ARRDC3: variants seen among roughly 807,000 people sequenced by gnomAD.
ARRDC3 encodes the protein arrestin domain-containing protein 3.
Under a neutral mutation model 47.2 loss-of-function variants are expected in ARRDC3, and 10 were observed. That is an observed-to-expected ratio of 0.21 (90% CI 0.13 to 0.36). The LOEUF is 0.36. Among genes scored for constraint, ARRDC3 ranks in the 10% least tolerant of loss-of-function variants. The pLI is 1.00. For synonymous variants in ARRDC3, 156 were observed against 178.3 expected, an observed-to-expected ratio of 0.87 and a Z score of 1.00; for missense variants, 381 against 503.6, an observed-to-expected ratio of 0.76 and a Z score of 2.33.
Position 91,371,345 on chromosome 5 carries a change from G to C in ARRDC3, c.*55C>G. On this transcript the variant is annotated 3_prime_UTR_variant, in exon 8 of 8. Coordinates refer to ENST00000265138, the MANE Select transcript of ARRDC3 (RefSeq NM_020801.4). ...TCTCCAAGATACTTCTCTGTCCTCA[G>C]CCGGAAGAGATACAGTTCGGAACCC... 1 of 1,472,234 alleles carries C rather than the reference G, an allele frequency of 6.8e-7. No individual in the cohort carries two copies. The highest frequency in any genetic ancestry group is 2.3e-5 in the East Asian group (1 of 44,178). 91.2% of individuals were successfully genotyped at this position (1,472,234 alleles called of 1,614,324 possible). A position where few individuals can be genotyped will look rare whatever the true frequency, so the allele number is the denominator to read the frequency against.
At position 91,369,570 on chromosome 5, in the gene ARRDC3, T is replaced by C. The variant is rs906098882; in HGVS notation, c.*1830A>G. 1.3e-5 allele frequency: 2 copies of C among 152,528 alleles called. No homozygotes were observed. The highest frequency in any genetic ancestry group is 4.8e-5 in the African/African-American group (2 of 41,378). The allele number at this position is 152,528 out of a possible 1,614,324, so 9.4% of individuals were successfully genotyped here. A position where few individuals can be genotyped will look rare whatever the true frequency, so the allele number is the denominator to read the frequency against. Reference sequence around the variant, plus strand: ...CCACTTATGGAAAAGCCTATTTGTTTTGTATGAGCTTTAAGACAGTATTTA... The same window carrying C: ...CCACTTATGGAAAAGCCTATTTGTTCTGTATGAGCTTTAAGACAGTATTTA... On this transcript the variant is annotated 3_prime_UTR_variant, in exon 8 of 8. Transcript: ENST00000265138.
chr5:91,372,564 G>A (rs146992699), intron 7 of ARRDC3, among the ~76,000 whole-genome samples: 1 of 152,190 alleles, frequency 6.6e-6, no homozygotes, highest in Non-Finnish European at 1.5e-5. Flanking sequence ...ACAAGTGGCA[G>A]AACACTTTTA....
intron 5 of ARRDC3, among the ~76,000 whole-genome samples, chr5:91,374,599 T>C (rs997085359): frequency 1.3e-5 from 2 of 152,140 alleles, no homozygotes; most frequent in Admixed American, 6.5e-5. Context: ...CAAAAACCTC[T>C]TGGGCCAGGC....
chr5:91,378,844 AACTT>A, intron 1 of ARRDC3, 69 bp from the exon 2 acceptor site: 1 of 938,108 alleles, frequency 1.1e-6, no homozygotes, highest in Non-Finnish European at 1.6e-6. Flanking sequence ...AGGGTGGCAT[AACTT>A]TAAAGATGCT....
In ARRDC3 at chr5:91,369,017, T is replaced by G. The variant is rs1229820381; in HGVS notation, c.*2383A>C. 3.9e-5 allele frequency: 6 copies of G among 152,628 alleles called. No homozygotes were observed. Among genetic ancestry groups the G allele is most frequent in the Non-Finnish European group, 8.8e-5 (6 of 68,042 alleles). 9.5% of individuals were successfully genotyped at this position (152,628 alleles called of 1,614,324 possible). On this transcript the variant is annotated 3_prime_UTR_variant, in exon 8 of 8. Transcript: ENST00000265138. ...ATACAACTGTGAACCTCACATCTTA[T>G]GTCAGGAATTGACCAATATTTTTAA...
At chr5:91,371,650 T>C (rs1799181105) in intron 7 of ARRDC3, among the ~76,000 whole-genome samples, 194 bp from the exon 8 acceptor site, 1 of 152,292 alleles carries the variant, frequency 6.6e-6, no homozygotes, top group African/African-American at 2.4e-5. Flanking sequence ...TGTTGGTACC[T>C]ACAGTACCTG....
At position 91,373,756 on chromosome 5, in the gene ARRDC3, C is replaced by T; in HGVS notation, c.1116G>A (p.Glu372=). Residue 372 remains glutamate, a synonymous_variant, in exon 7 of 8, where the codon GAG becomes GAA. Coordinates refer to ENST00000265138, the MANE Select transcript of ARRDC3 (RefSeq NM_020801.4). ...LAPVSACDDF[E]RALQGPLFAY... is the part of the protein sequence containing the mutation. ...CAAACAGTGGTCCTTGAAGGGCTCT[C>T]TCAAAGTCATCACAAGCACTCACTG... is the stretch of plus-strand genomic sequence containing the variant. 1 of 1,614,068 alleles carries T rather than the reference C, an allele frequency of 6.2e-7. No homozygotes were observed. The highest frequency in any genetic ancestry group is 1.1e-5 in the South Asian group (1 of 91,086).
At chr5:91,374,311 C>A (rs1799249355) in intron 5 of ARRDC3, 35 bp from the exon 6 acceptor site, 2 of 1,560,422 alleles carry the variant, frequency 1.3e-6, no homozygotes, top group Non-Finnish European at 1.7e-6. Context: ...GTTTAGAATG[C>A]CAAGTATGAT....
At position 91,382,794 on chromosome 5, in the gene ARRDC3, AT is replaced by A. The variant is rs750841049; in HGVS notation, c.280+18del. On this transcript the variant is annotated intron_variant, in intron 1 of 7. Transcript: ENST00000265138. ...CCAAAGAAAATGAGTCCAATGACTT[AT>A]GAATAACAAAAACTTACCTCTTTCG... 16 of 1,602,532 alleles carry A rather than the reference AT, an allele frequency of 1.0e-5. No individual in the cohort carries two copies. The East Asian group carries it at 3.6e-4, about 36-fold the overall frequency.
chr5:91,374,267 C>T lies in ARRDC3; in HGVS notation c.880G>A (p.Asp294Asn). The T allele has an allele frequency of 6.2e-7, 1 of 1,611,022 alleles. No individual in the cohort carries two copies. The highest frequency in any genetic ancestry group is 1.1e-5 in the South Asian group (1 of 90,576). Residue 294 changes from aspartate (D) to asparagine (N), a missense_variant, in exon 6 of 8, where the codon GAT becomes AAT. By Grantham distance (23) the Asp-to-Asn change is conservative. Transcript: ENST00000265138. ...RVEYSLMVYV[D>N]IPGAMDLFLN... is the part of the protein sequence containing the mutation. ...AATAAATCCATAGCTCCAGGAATAT[C>T]CACATATACCTAAACATTGCAAAGA...
intron 2 of ARRDC3, among the ~76,000 whole-genome samples, chr5:91,378,016 T>G (rs1311094487): frequency 1.3e-5 from 2 of 152,138 alleles, no homozygotes; most frequent in Non-Finnish European, 2.9e-5. Context: ...AAGGCATTTT[T>G]TTTTAAAAAG....
chr5:91,376,180 T>C (rs1044566078), intron 3 of ARRDC3, among the ~76,000 whole-genome samples: 2 of 152,198 alleles, frequency 1.3e-5, no homozygotes, highest in African/African-American at 4.8e-5. Context: ...AGTTTTTTAA[T>C]GAAACTAATG....
At chr5:91,374,851 A>G (rs1202004749) in intron 5 of ARRDC3, 71 bp downstream of exon 5, 2 of 1,497,270 alleles carry the variant, frequency 1.3e-6, no homozygotes, top group Non-Finnish European at 9.1e-7. Context: ...GTGCCACTGC[A>G]TTCCAGCCTG....
chr5:91,371,394 G>A lies in ARRDC3; in HGVS notation c.*6C>T. On this transcript the variant is annotated 3_prime_UTR_variant, in exon 8 of 8. Transcript: ENST00000265138. Reference sequence around the variant, plus strand: ...CCACATCAACTTGATTCAACCAAGTGTTCCTTCAACGAGAGGGGCAGGATG... The same window carrying A: ...CCACATCAACTTGATTCAACCAAGTATTCCTTCAACGAGAGGGGCAGGATG... 6.2e-7 allele frequency: 1 copy of A among 1,611,474 alleles called. No homozygotes were observed. The highest frequency in any genetic ancestry group is 1.7e-4 in the Middle Eastern group (1 of 6,054).
intron 1 of ARRDC3, among the ~76,000 whole-genome samples, chr5:91,381,508 G>A (rs746116145): frequency 8.5e-5 from 13 of 152,160 alleles, no homozygotes; most frequent in Non-Finnish European, 1.9e-4. Context: ...AGGATGCAAA[G>A]TACCTGTATC....
At chr5:91,381,510 ACC>A (rs1220301270) in intron 1 of ARRDC3, among the ~76,000 whole-genome samples, 2 of 152,212 alleles carry the variant, frequency 1.3e-5, no homozygotes, top group African/African-American at 4.8e-5. Flanking sequence ...GATGCAAAGT[ACC>A]TGTATCTAAC....
At chr5:91,376,315 C>T (rs1349956903) in intron 3 of ARRDC3, among the ~76,000 whole-genome samples, 1 of 152,158 alleles carries the variant, frequency 6.6e-6, no homozygotes, top group Admixed American at 6.5e-5. Context: ...TCTTCTTCCA[C>T]TCAAATCATC....
intron 7 of ARRDC3, among the ~76,000 whole-genome samples, chr5:91,372,656 A>G (rs1799203156): frequency 6.6e-6 from 1 of 152,208 alleles, no homozygotes; most frequent in African/African-American, 2.4e-5. Context: ...TCTATAATCA[A>G]TGAATGAAGA....
At chr5:91,379,291 GTA>G (rs1491550481) in intron 1 of ARRDC3, among the ~76,000 whole-genome samples, 4 of 49,124 alleles carry the variant, frequency 8.1e-5, no homozygotes, top group Non-Finnish European at 1.5e-4. Flanking sequence ...AATAGACGGA[GTA>G]AAAAAAAAAA....
Sources: allele counts gnomAD v4.1 joint callset (sites outside exome capture counted in the v4.1 genomes callset), GRCh38; gene constraint gnomAD v4.1.1; transcripts MANE v1.5; gene names NCBI Gene and HGNC (gene_info 2026-07-23, HGNC 2026-07-21).